The following CNTLN variants were observed in gnomAD, a reference collection of about 807,000 sequenced individuals.
The protein encoded by CNTLN is centlein, centrosomal protein.
In CNTLN, 212 loss-of-function variants were observed where a neutral mutation model predicts 180.0. That is an observed-to-expected ratio of 1.18 (90% CI 1.05 to 1.32). The LOEUF is 1.32. CNTLN is among the 40% of genes most tolerant of loss of function. The pLI, the probability that CNTLN is intolerant of heterozygous loss-of-function variation, is 0.00. For synonymous variants in CNTLN, 722 were observed against 563.1 expected, an observed-to-expected ratio of 1.28 and a Z score of -3.99; for missense variants, 2,095 against 1,610.9, an observed-to-expected ratio of 1.30 and a Z score of -5.14.
intron 12 of CNTLN, among the ~76,000 whole-genome samples, chr9:17,355,948 C>G (rs1822802666): frequency 6.6e-6 from 1 of 151,540 alleles, no homozygotes; most frequent in Non-Finnish European, 1.5e-5. Context: ...CCTGTAGTCC[C>G]AGCTACTCGG....
chr9:17,459,521 T>A (rs769503128), intron 19 of CNTLN, among the ~76,000 whole-genome samples: 1 of 151,898 alleles, frequency 6.6e-6, no homozygotes, highest in Non-Finnish European at 1.5e-5. Context: ...CAAGTACCTT[T>A]AAGTACATAA....
intron 12 of CNTLN, among the ~76,000 whole-genome samples, chr9:17,358,250 T>C (rs1300987910): frequency 7.9e-5 from 12 of 152,020 alleles, no homozygotes; most frequent in Non-Finnish European, 2.9e-5. Flanking sequence ...AAATACATTG[T>C]GATACATTAA....
Position 17,413,195 on chromosome 9 carries a change from A to C in CNTLN, c.2797-2593A>C, listed in dbSNP as rs111414351. 4.7e-4 allele frequency among the ~76,000 whole-genome samples: 63 copies of C among 135,298 alleles called. 1 individual carries two copies. The highest frequency in any genetic ancestry group is 1.5e-3 in the African/African-American group (60 of 40,518). The allele number at this position is 135,298 out of a possible 152,430, so 88.8% of individuals were successfully genotyped here. On this transcript the variant is annotated intron_variant, in intron 16 of 25. Coordinates refer to ENST00000380647, the MANE Select transcript of CNTLN (RefSeq NM_017738.4). ...TCCTTTCAAAAAATGGTGCTGGAGCAATTGGATATTTCTACGCAAAAAATA... is the reference window on the plus strand; with the variant it reads ...TCCTTTCAAAAAATGGTGCTGGAGCCATTGGATATTTCTACGCAAAAAATA...
At position 17,168,640 on chromosome 9, in the gene CNTLN, T is replaced by C. The variant is rs559607547; in HGVS notation, c.449+25264T>C. 2.6e-5 allele frequency: 4 copies of C among 152,332 alleles called. No individual in the cohort carries two copies. The East Asian group carries it at 7.7e-4, about 29-fold the overall frequency. 9.4% of individuals were successfully genotyped at this position (152,332 alleles called of 1,614,324 possible). On this transcript the variant is annotated intron_variant, in intron 2 of 25. Coordinates refer to ENST00000380647, the MANE Select transcript of CNTLN (RefSeq NM_017738.4). ...TAGCATAGCAGATTTTTAGGCTATTTATTATTTTGAAACTCTTAAGTTTAC... is the reference window on the plus strand; with the variant it reads ...TAGCATAGCAGATTTTTAGGCTATTCATTATTTTGAAACTCTTAAGTTTAC...
rs971398134 is a variant in CNTLN at position 17,225,134 on chromosome 9, T to A, written c.450-1069T>A. Among the ~76,000 whole-genome samples the A allele has an allele frequency of 5.5e-4, 83 of 152,124 alleles. 1 individual carries two copies. Among genetic ancestry groups the A allele is most frequent in the African/African-American group, 2.0e-3 (81 of 41,532 alleles). On this transcript the variant is annotated intron_variant, in intron 2 of 25. Coordinates refer to ENST00000380647, the MANE Select transcript of CNTLN (RefSeq NM_017738.4). ...TTGGCTCAACTCTTGATTGGGGAGC[T>A]ACATCTATAAACTTTTGCCTTTCTA...
intron 15 of CNTLN, among the ~76,000 whole-genome samples, chr9:17,401,726 A>G (rs1259300720): frequency 6.6e-6 from 1 of 151,872 alleles, no homozygotes; most frequent in Non-Finnish European, 1.5e-5. Context: ...ACAAGAAATT[A>G]CAAGATTACT....
chr9:17,332,246 C>G (rs903736921), intron 9 of CNTLN, among the ~76,000 whole-genome samples: 4 of 151,960 alleles, frequency 2.6e-5, no homozygotes, highest in Admixed American at 1.3e-4. Context: ...TCTGGTTGTC[C>G]TATCAAGTGT....
intron 18 of CNTLN, among the ~76,000 whole-genome samples, chr9:17,457,283 A>G (rs1201704065): frequency 6.6e-6 from 1 of 152,030 alleles, no homozygotes; most frequent in Non-Finnish European, 1.5e-5. Context: ...ATGAGTCAGG[A>G]CCAGCCAACC....
intron 19 of CNTLN, among the ~76,000 whole-genome samples, chr9:17,458,708 TG>T: frequency 6.6e-6 from 1 of 152,066 alleles, no homozygotes; most frequent in Admixed American, 6.6e-5. Flanking sequence ...GAAAATAATT[TG>T]CTTTATTAAT....
intron 6 of CNTLN, among the ~76,000 whole-genome samples, chr9:17,284,901 T>C (rs1301775187): frequency 1.3e-5 from 2 of 152,164 alleles, no homozygotes; most frequent in East Asian, 1.9e-4. Flanking sequence ...GTTAGTGCTA[T>C]AAATTTCCCT....
chr9:17,267,650 A>G (rs889713423), intron 5 of CNTLN, among the ~76,000 whole-genome samples: 1 of 152,014 alleles, frequency 6.6e-6, no homozygotes, highest in Non-Finnish European at 1.5e-5. Context: ...ACTTGGTTCC[A>G]TTCTCCCCGA....
At chr9:17,434,448 T>G (rs189022366) in intron 18 of CNTLN, among the ~76,000 whole-genome samples, 1 of 152,134 alleles carries the variant, frequency 6.6e-6, no homozygotes, top group Non-Finnish European at 1.5e-5. Flanking sequence ...TTCTTGCTTT[T>G]TAAATTTTCT....
intron 13 of CNTLN, among the ~76,000 whole-genome samples, chr9:17,376,376 A>C (rs940709130): frequency 3.9e-5 from 6 of 151,910 alleles, no homozygotes; most frequent in Admixed American, 2.0e-4. Context: ...AAACTAGTTC[A>C]CAACATGTTA....
intron 21 of CNTLN, 74 bp downstream of exon 21, chr9:17,464,697 A>ATTAGG: frequency 3.2e-6 from 3 of 926,562 alleles, no homozygotes; most frequent in Non-Finnish European, 4.7e-6. Flanking sequence ...ACAAACATTT[A>ATTAGG]ATCCTAATAA....
intron 18 of CNTLN, among the ~76,000 whole-genome samples, chr9:17,451,275 C>T (rs2134115569): frequency 6.6e-6 from 1 of 152,184 alleles, no homozygotes; most frequent in Middle Eastern, 3.4e-3. Context: ...TATTTACATT[C>T]TGGTAACAGA....
At chr9:17,233,794 T>C (rs915598511) in intron 3 of CNTLN, among the ~76,000 whole-genome samples, 1 of 152,166 alleles carries the variant, frequency 6.6e-6, no homozygotes, top group Non-Finnish European at 1.5e-5. Flanking sequence ...CTATGTAATA[T>C]GTGTAATATG....
At chr9:17,362,185 A>G (rs539749916) in intron 12 of CNTLN, among the ~76,000 whole-genome samples, 3 of 152,200 alleles carry the variant, frequency 2.0e-5, no homozygotes, top group Non-Finnish European at 4.4e-5. Context: ...CTGCAGCCCT[A>G]CCTTCTGTTG....
intron 2 of CNTLN, among the ~76,000 whole-genome samples, chr9:17,209,132 CATT>C (rs1823115270): frequency 6.6e-6 from 1 of 152,000 alleles, no homozygotes; most frequent in African/African-American, 2.4e-5. Context: ...GTTGAGTTTA[CATT>C]ATTATTTAAG....
intron 13 of CNTLN, 49 bp from the exon 14 acceptor site, chr9:17,388,113 A>AT: frequency 8.4e-7 from 1 of 1,189,840 alleles, no homozygotes. Context: ...ACAGGACAGT[A>AT]TTTCAGCAGT....
Sources: gnomAD v4.1 joint callset for allele counts (sites outside exome capture counted in the v4.1 genomes callset) on GRCh38, gnomAD v4.1.1 for gene constraint, MANE v1.5 for transcripts, NCBI Gene and HGNC (gene_info 2026-07-23, HGNC 2026-07-21) for gene names.